MME: variants seen among roughly 807,000 people sequenced by gnomAD.
MME encodes membrane metalloendopeptidase, also known as neprilysin.
A neutral mutation model predicts 113.2 loss-of-function variants in MME; 98 were observed. The observed-to-expected ratio is 0.87, with a 90% CI of 0.74 to 1.02. The LOEUF (loss-of-function observed/expected upper bound fraction) is 1.02, where lower values mean the gene tolerates loss of function less well. MME is among the 50% of genes least tolerant of loss of function. The probability of loss-of-function intolerance (pLI) is 0.00; values close to 1 mark genes in which losing one functional copy is unlikely to be tolerated. For synonymous variants in MME, 292 were observed against 300.6 expected (o/e 0.97, Z 0.30); for missense variants, 836 against 896.0 (o/e 0.93, Z 0.86).
chr3:155,157,385 T>C (rs754913308), intron 16 of MME, among the ~76,000 whole-genome samples: 5 of 152,150 alleles, frequency 3.3e-5, no homozygotes, highest in Non-Finnish European at 5.9e-5. Flanking sequence ...CTCCACACTT[T>C]AAAGGTATCT....
chr3:155,125,442 TC>T (rs1224132230), intron 8 of MME, among the ~76,000 whole-genome samples: 1 of 108,134 alleles, frequency 9.2e-6, no homozygotes, highest in African/African-American at 3.5e-5. Flanking sequence ...TGGCTCCTCC[TC>T]CTTTTTTTTT....
chr3:155,105,278 G>C (rs945050132), intron 3 of MME, among the ~76,000 whole-genome samples: 1 of 152,158 alleles, frequency 6.6e-6, no homozygotes, highest in African/African-American at 2.4e-5. Flanking sequence ...ACATGTTATA[G>C]AGCAATTAAT....
At chr3:155,125,958 T>C (rs1470868893) in intron 8 of MME, among the ~76,000 whole-genome samples, 1 of 152,206 alleles carries the variant, frequency 6.6e-6, no homozygotes, top group African/African-American at 2.4e-5. Context: ...TAGTTAAAAT[T>C]ACTAGCTAAA....
At chr3:155,172,662 C>G (rs758682852) in intron 22 of MME, 50 bp downstream of exon 22, 28 of 1,316,660 alleles carry the variant, frequency 2.1e-5, no homozygotes, top group Middle Eastern at 1.8e-4. Context: ...GGGTCCATTG[C>G]TTCCACATTT....
rs1171520363 is a variant in MME, at chr3:155,042,942, A to ATATG, written c.-11+18621_-11+18622insGTAT. On this transcript the variant is annotated intron_variant, in intron 1 of 22. Coordinates refer to the MME transcript ENST00000492661. The stretch of plus-strand genomic sequence containing the variant: ...TATATATATATATATATATATATGT[A>ATATG]TATATATATATATATATCACATTTG... Among the ~76,000 whole-genome samples the ATATG allele has an allele frequency of 8.0e-4, 94 of 117,052 alleles. 5 individuals carry two copies. Among genetic ancestry groups the ATATG allele is most frequent in the East Asian group, 7.2e-3 (29 of 4,046 alleles). The allele number at this position is 117,052 out of a possible 152,430, so 76.8% of individuals were successfully genotyped here.
At chr3:155,110,858 T>G (rs1399818366) in intron 3 of MME, among the ~76,000 whole-genome samples, 1 of 152,234 alleles carries the variant, frequency 6.6e-6, no homozygotes, top group Non-Finnish European at 1.5e-5. Context: ...TTATACAGAT[T>G]TTAAAAAATC....
intron 3 of MME, among the ~76,000 whole-genome samples, chr3:155,112,035 C>CT (rs35089203): frequency 0.37 from 56,095 of 151,778 alleles, 10,915 homozygotes; most frequent in South Asian, 0.55. Context: ...GAGGGAATTG[C>CT]TTTTTCTCTC....
At chr3:155,026,493 G>C (rs2108110351) in intron 1 of MME, among the ~76,000 whole-genome samples, 1 of 152,322 alleles carries the variant, frequency 6.6e-6, no homozygotes, top group East Asian at 1.9e-4. Flanking sequence ...GGAGGCCGAG[G>C]TGGGTGGATC....
intron 1 of MME, among the ~76,000 whole-genome samples, chr3:155,042,019 C>T (rs1050327626): frequency 1.3e-5 from 2 of 152,094 alleles, no homozygotes; most frequent in African/African-American, 4.8e-5. Context: ...TTTATAAAAA[C>T]TCTATTTAGC....
At chr3:155,117,474 T>C (rs1183314425) in intron 7 of MME, among the ~76,000 whole-genome samples, 5 of 152,204 alleles carry the variant, frequency 3.3e-5, no homozygotes, top group African/African-American at 1.2e-4. Context: ...TCTTTTAAAA[T>C]GGATTTATTG....
intron 9 of MME, among the ~76,000 whole-genome samples, chr3:155,138,946 C>T (rs1400983855): frequency 6.6e-6 from 1 of 152,052 alleles, no homozygotes; most frequent in East Asian, 1.9e-4. Context: ...ACAGAGTTCT[C>T]TTTGTCATTG....
intron 8 of MME, among the ~76,000 whole-genome samples, chr3:155,123,364 G>A (rs1367794390): frequency 1.7e-5 from 2 of 120,098 alleles, no homozygotes; most frequent in African/African-American, 6.3e-5. Flanking sequence ...GGTCTTGACT[G>A]TTTATCCAAT....
intron 1 of MME, among the ~76,000 whole-genome samples, chr3:155,074,113 A>G (rs190520526): frequency 1.1e-3 from 172 of 151,698 alleles, no homozygotes; most frequent in African/African-American, 3.8e-3. Context: ...TTACTACTGA[A>G]CTCATATTTA....
Position 155,138,184 on chromosome 3 carries a change from A to G in MME, c.803A>G (p.Gln268Arg). The change falls in exon 9 of 23, where the codon CAG (glutamine) becomes CGG (arginine). Residue 268 changes from glutamine to arginine, a missense_variant. Physicochemically the swap from Gln to Arg is conservative, Grantham distance 43. Transcript: ENST00000360490. ...GAAAGATTGCCCATCGATGAAAACCAGCTTGCTTTGGAAATGAATAAAGTT... is the reference window on the plus strand; with the variant it reads ...GAAAGATTGCCCATCGATGAAAACCGGCTTGCTTTGGAAATGAATAAAGTT... ...QEERLPIDEN[Q>R]LALEMNKVME... The G allele has an allele frequency of 1.2e-6, 2 of 1,613,810 alleles. No individual in the cohort carries two copies. Among genetic ancestry groups the G allele is most frequent in the Non-Finnish European group, 1.7e-6 (2 of 1,179,790 alleles).
At chr3:155,114,913 G>A in intron 3 of MME, 81 bp from the exon 4 acceptor site, 1 of 1,407,734 alleles carries the variant, frequency 7.1e-7, no homozygotes, top group Non-Finnish European at 1.0e-6. Flanking sequence ...AATCAAAAGG[G>A]AGCAATAAGC....
upstream of MME, among the ~76,000 whole-genome samples, chr3:155,076,614 A>G (rs1381419463): frequency 6.6e-6 from 1 of 152,240 alleles, no homozygotes; most frequent in Non-Finnish European, 1.5e-5. Flanking sequence ...AATCAAGTTT[A>G]TTAGGAAAGT....
At chr3:155,093,593 C>T (rs769169527) in intron 3 of MME, among the ~76,000 whole-genome samples, 1 of 152,116 alleles carries the variant, frequency 6.6e-6, no homozygotes, top group Non-Finnish European at 1.5e-5. Context: ...CGTTTTGGCT[C>T]ACGTCTATAA....
intron 8 of MME, among the ~76,000 whole-genome samples, chr3:155,127,390 C>G (rs1719774270): frequency 6.6e-6 from 1 of 152,142 alleles, no homozygotes; most frequent in African/African-American, 2.4e-5. Flanking sequence ...TGTCAGGCCA[C>G]AGGAAGAAGA....
chr3:155,029,856 C>A (rs895540980), intron 1 of MME, among the ~76,000 whole-genome samples: 1 of 152,102 alleles, frequency 6.6e-6, no homozygotes, highest in African/African-American at 2.4e-5. Context: ...AATTAAAGTT[C>A]TTTCCCACAT....
Sources: gnomAD v4.1 joint callset for allele counts (sites outside exome capture counted in the v4.1 genomes callset) on GRCh38, gnomAD v4.1.1 for gene constraint, MANE v1.5 for transcripts, NCBI Gene and HGNC (gene_info 2026-07-23, HGNC 2026-07-21) for gene names.